UBE3A: variants seen among roughly 807,000 people sequenced by gnomAD.
UBE3A encodes ubiquitin-protein ligase E3A.
In UBE3A, 6 loss-of-function variants were observed where a neutral mutation model predicts 83.4. That is an observed-to-expected ratio of 0.07 (90% confidence interval 0.04 to 0.14). The LOEUF (loss-of-function observed/expected upper bound fraction) is 0.14, where lower values mean the gene tolerates loss of function less well. Among genes scored for constraint, UBE3A ranks in the 10% least tolerant of loss-of-function variants. The pLI, the probability that UBE3A is intolerant of heterozygous loss-of-function variation, is 1.00. For missense variants in UBE3A, 456 were observed against 1,036.1 expected, an observed-to-expected ratio of 0.44 and a Z score of 7.69; for synonymous variants, 337 against 355.4, an observed-to-expected ratio of 0.95 and a Z score of 0.58.
chr15:25,409,228 T>C, intron 2 of UBE3A, 21 bp from the exon 3 acceptor site: 1 of 930,440 alleles, frequency 1.1e-6, no homozygotes. Context: ...AAACAAACCT[T>C]TGGTTAGAAC....
At chr15:25,400,118 T>G (rs2086715234) in intron 4 of UBE3A, among the ~76,000 whole-genome samples, 1 of 152,236 alleles carries the variant, frequency 6.6e-6, no homozygotes, top group African/African-American at 2.4e-5. Flanking sequence ...TAAAAACATT[T>G]TACAATATTA....
intron 4 of UBE3A, among the ~76,000 whole-genome samples, chr15:25,389,568 A>G (rs1426437442): frequency 6.6e-6 from 1 of 152,234 alleles, no homozygotes; most frequent in Non-Finnish European, 1.5e-5. Flanking sequence ...AAATATTTAC[A>G]TAAGACACAT....
At chr15:25,407,057 T>C in intron 3 of UBE3A, 1 of 1,344,728 alleles carries the variant, frequency 7.4e-7, no homozygotes, top group Non-Finnish European at 9.8e-7. Context: ...AAATCACCTA[T>C]GTGACACACC....
chr15:25,405,512 G>C lies in UBE3A; in HGVS notation c.21-10C>G, dbSNP rs758534647. On this transcript the variant is annotated splice_polypyrimidine_tract_variant and intron_variant, in intron 3 of 12. Coordinates refer to ENST00000648336, the MANE Select transcript of UBE3A (RefSeq NM_130839.5). Reference sequence around the variant, plus strand: ...CTGAGGTTCTCCTGATCTGTAAAATGCAATTGAGAAACAGTTAGCAAAATA... The same window carrying C: ...CTGAGGTTCTCCTGATCTGTAAAATCCAATTGAGAAACAGTTAGCAAAATA... The C allele has an allele frequency of 6.2e-7, 1 of 1,613,400 alleles. No individual in the cohort carries two copies. The highest frequency in any genetic ancestry group is 8.5e-7 in the Non-Finnish European group (1 of 1,179,750).
At chr15:25,376,975 A>C (rs2152859151) in intron 4 of UBE3A, among the ~76,000 whole-genome samples, 1 of 152,320 alleles carries the variant, frequency 6.6e-6, no homozygotes, top group South Asian at 2.1e-4. Flanking sequence ...AGTAGAATAA[A>C]CTACTGGATC....
chr15:25,427,419 A>G (rs1891642754), intron 1 of UBE3A, among the ~76,000 whole-genome samples: 1 of 151,964 alleles, frequency 6.6e-6, no homozygotes. Context: ...GGTACTGACC[A>G]AAGGGGAATG....
At chr15:25,431,343 C>A (rs1893392266) in intron 1 of UBE3A, among the ~76,000 whole-genome samples, 1 of 151,410 alleles carries the variant, frequency 6.6e-6, no homozygotes, top group African/African-American at 2.4e-5. Context: ...AGCATATTTT[C>A]TTTTCTTTTC....
chr15:25,376,604 T>C (rs561154200), intron 4 of UBE3A, among the ~76,000 whole-genome samples: 1 of 152,246 alleles, frequency 6.6e-6, no homozygotes, highest in Non-Finnish European at 1.5e-5. Context: ...ATTGCACCAC[T>C]GCACTCCAGC....
intron 6 of UBE3A, among the ~76,000 whole-genome samples, chr15:25,362,669 C>T (rs1198832157): frequency 1.3e-5 from 2 of 152,060 alleles, no homozygotes; most frequent in Non-Finnish European, 2.9e-5. Context: ...AGTTGGAAAC[C>T]TGTTTCAAGC....
rs60677664 is a variant in UBE3A at position 25,359,418 on chromosome 15, CGTGTGTGTGTGT to C, written c.1753+953_1753+964del. On this transcript the variant is annotated intron_variant, in intron 7 of 12. Transcript: ENST00000648336. The stretch of plus-strand genomic sequence containing the variant: ...CTAGCTAGATTATAGATAAGGGATG[CGTGTGTGTGTGT>C]GTGTGTGTGTGTGTGTGTGTGTGTG... Among the ~76,000 whole-genome samples, 1,384 of 139,008 alleles carry C rather than the reference CGTGTGTGTGTGT, an allele frequency of 1.0e-2. 23 individuals carry two copies. Among genetic ancestry groups the C allele is most frequent in the African/African-American group, 0.031 (1,215 of 38,606 alleles). The allele number at this position is 139,008 out of a possible 152,430, so 91.2% of individuals were successfully genotyped here.
At chr15:25,365,018 T>C (rs1159230710) in intron 6 of UBE3A, among the ~76,000 whole-genome samples, 1 of 152,100 alleles carries the variant, frequency 6.6e-6, no homozygotes, top group African/African-American at 2.4e-5. Flanking sequence ...CAGACAGAGA[T>C]TACTGGGGAA....
At chr15:25,410,133 T>TA (rs148279548) in intron 2 of UBE3A, among the ~76,000 whole-genome samples, 7,750 of 152,098 alleles carry the variant, frequency 0.051, 673 homozygotes, top group African/African-American at 0.18. Context: ...CCCTAAAACT[T>TA]AAAGTATAAT....
rs771316176 is a variant in UBE3A at position 25,356,015 on chromosome 15, C to T, written c.2001G>A (p.Gly667=). ...QSLKDLLEYE[G]NVEDDMMITF... is the part of the protein sequence containing the mutation. ...TGATCATCATGTCATCTTCCACATT[C>T]CCTTCATACTCCAATAAATCTTTTA... Residue 667 remains glycine (G), a synonymous_variant, in exon 9 of 13, where the codon GGG becomes GGA. Transcript: ENST00000648336. 7.4e-6 allele frequency: 12 copies of T among 1,613,618 alleles called. No homozygotes were observed. In the East Asian group the frequency reaches 2.7e-4, roughly 36 times the overall value.
At chr15:25,359,418 C>CATGTGT (rs376669714) in intron 7 of UBE3A, among the ~76,000 whole-genome samples, 1 of 138,924 alleles carries the variant, frequency 7.2e-6, no homozygotes, top group Admixed American at 7.4e-5. Context: ...ATAAGGGATG[C>CATGTGT]GTGTGTGTGT....
At chr15:25,380,721 A>G (rs185893351) in intron 4 of UBE3A, among the ~76,000 whole-genome samples, 1 of 152,344 alleles carries the variant, frequency 6.6e-6, no homozygotes, top group Admixed American at 6.5e-5. Context: ...CTTACTTGCT[A>G]TAATTTCTTC....
rs1423140354 is a variant in UBE3A, at chr15:25,335,777, TG to T, written c.*3359del. 7.9e-5 allele frequency: 12 copies of T among 151,766 alleles called. No individual in the cohort carries two copies. Among genetic ancestry groups the T allele is most frequent in the Admixed American group, 5.3e-4 (8 of 15,220 alleles). The allele number at this position is 151,766 out of a possible 1,614,324, so 9.4% of individuals were successfully genotyped here. A position where few individuals can be genotyped will look rare whatever the true frequency, so the allele number is the denominator to read the frequency against. The stretch of plus-strand genomic sequence containing the variant: ...GGGATTGGGGAAGAATCTTTGGGAG[TG>T]ACTGAGGTTGACTAGAGGGAACTGG... On this transcript the variant is annotated 3_prime_UTR_variant, in exon 13 of 13. Coordinates refer to ENST00000648336, the MANE Select transcript of UBE3A (RefSeq NM_130839.5).
intron 4 of UBE3A, among the ~76,000 whole-genome samples, chr15:25,397,255 T>TA (rs1302671609): frequency 1.3e-5 from 2 of 152,208 alleles, no homozygotes; most frequent in Non-Finnish European, 2.9e-5. Flanking sequence ...AATTTCCTGT[T>TA]ACTCTACTTT....
intron 1 of UBE3A, among the ~76,000 whole-genome samples, chr15:25,416,674 A>G (rs549699023): frequency 1.1e-4 from 16 of 151,840 alleles, no homozygotes; most frequent in Non-Finnish European, 2.2e-4. Flanking sequence ...ATATGGTATT[A>G]GCATTAGACA....
intron 4 of UBE3A, among the ~76,000 whole-genome samples, chr15:25,389,757 G>A (rs2083907318): frequency 6.6e-6 from 1 of 152,032 alleles, no homozygotes; most frequent in South Asian, 2.1e-4. Context: ...GTGTGGTGGT[G>A]CACGGGTATA....
Sources: allele counts gnomAD v4.1 joint callset (sites outside exome capture counted in the v4.1 genomes callset), GRCh38; gene constraint gnomAD v4.1.1; transcripts MANE v1.5; gene names NCBI Gene and HGNC (gene_info 2026-07-23, HGNC 2026-07-21).